The following RABEP1 variants were observed in gnomAD, a reference collection of about 807,000 sequenced individuals.
The protein encoded by RABEP1 is rabaptin, RAB GTPase binding effector protein 1, also known as rab GTPase-binding effector protein 1.
In RABEP1, 51 loss-of-function variants were observed where a neutral mutation model predicts 123.4. The ratio of observed to expected loss-of-function variants is 0.41; its 90% CI spans 0.33 to 0.52. The LOEUF is 0.52. Ranked by LOEUF, RABEP1 falls within the 20% of genes least tolerant of loss-of-function variation. The probability of loss-of-function intolerance (pLI) is 0.16; values close to 1 mark genes in which losing one functional copy is unlikely to be tolerated. For missense variants in RABEP1, 888 were observed against 996.3 expected, an observed-to-expected ratio of 0.89 and a Z score of 1.46; for synonymous variants, 347 against 355.2, an observed-to-expected ratio of 0.98 and a Z score of 0.26.
At chr17:5,324,472 T>C (rs1467491618) in intron 2 of RABEP1, among the ~76,000 whole-genome samples, 2 of 152,166 alleles carry the variant, frequency 1.3e-5, no homozygotes, top group African/African-American at 2.4e-5. Context: ...GACCTGAAAC[T>C]ATGAAGCCAC....
rs780979639 is a variant in RABEP1, at chr17:5,367,558, C to T, written c.1786-812C>T. On this transcript the variant is annotated intron_variant, in intron 11 of 17. Coordinates refer to ENST00000537505, the MANE Select transcript of RABEP1 (RefSeq NM_004703.6). ...TGCTAGGATTACAGGCGTGAGTCAC[C>T]GTGCCCAGCCAAGGGTAAAACTTTT... Among the ~76,000 whole-genome samples, 107 of 145,292 alleles carry T rather than the reference C, an allele frequency of 7.4e-4. 3 individuals carry two copies. In the Middle Eastern group the frequency reaches 0.01, roughly 14 times the overall value.
At chr17:5,341,663 G>A (rs1388889428) in intron 5 of RABEP1, among the ~76,000 whole-genome samples, 1 of 152,128 alleles carries the variant, frequency 6.6e-6, no homozygotes, top group Non-Finnish European at 1.5e-5. Flanking sequence ...AGTATGAGAA[G>A]AAATTATAGA....
At chr17:5,320,935 T>TAC (rs1224633184) in intron 2 of RABEP1, among the ~76,000 whole-genome samples, 4 of 152,202 alleles carry the variant, frequency 2.6e-5, no homozygotes, top group African/African-American at 9.7e-5. Flanking sequence ...ACACTGAATG[T>TAC]ATATGGACTC....
intron 5 of RABEP1, among the ~76,000 whole-genome samples, chr17:5,343,425 A>G (rs1907786236): frequency 6.6e-6 from 1 of 151,956 alleles, no homozygotes; most frequent in African/African-American, 2.4e-5. Context: ...GTGGTGGTGC[A>G]TACCTGTAGT....
At chr17:5,377,518 AAATTTTTTTTT>A (rs1256423887) in intron 14 of RABEP1, among the ~76,000 whole-genome samples, 2 of 125,832 alleles carry the variant, frequency 1.6e-5, no homozygotes, top group South Asian at 2.5e-4. Flanking sequence ...GTTATTTAAA[AAATTTTTTTTT>A]TTTTTTTTTT....
At position 5,375,934 on chromosome 17, in the gene RABEP1, G is replaced by A. The variant is rs902150165; in HGVS notation, c.2026-1182G>A. 7.2e-5 allele frequency among the ~76,000 whole-genome samples: 11 copies of A among 152,006 alleles called. No individual in the cohort carries two copies. In the East Asian group the frequency reaches 2.1e-3, roughly 29 times the overall value. ...GTCACCCAGGCTGGAGTGCAGTGGT[G>A]TAATCTCAGCTTATTGCAACCTCCG... On this transcript the variant is annotated intron_variant, in intron 13 of 17. Transcript: ENST00000537505.
At chr17:5,303,135 G>A (rs964170551) in intron 1 of RABEP1, among the ~76,000 whole-genome samples, 1 of 152,028 alleles carries the variant, frequency 6.6e-6, no homozygotes, top group African/African-American at 2.4e-5. Context: ...ACTGTGCTAT[G>A]TATAATGTAT....
At position 5,316,900 on chromosome 17, in the gene RABEP1, T is replaced by A. The variant is rs554993393; in HGVS notation, c.163+8078T>A. ...ATACAGAAATTGATAAATTTAAAAA[T>A]TTTTTTTTAATGTTTATCTTTTGAG... On this transcript the variant is annotated intron_variant, in intron 2 of 17. Coordinates refer to ENST00000537505, the MANE Select transcript of RABEP1 (RefSeq NM_004703.6). 1.6e-4 allele frequency among the ~76,000 whole-genome samples: 24 copies of A among 149,908 alleles called. No homozygotes were observed. In the East Asian group the frequency reaches 1.9e-3, roughly 12 times the overall value.
chr17:5,360,518 C>T (rs1368306841), intron 8 of RABEP1, among the ~76,000 whole-genome samples: 11 of 152,310 alleles, frequency 7.2e-5, no homozygotes, highest in African/African-American at 1.2e-4. Context: ...GCGGAGATCG[C>T]GCCACTGCAC....
chr17:5,324,503 A>G (rs1438770620), intron 2 of RABEP1, among the ~76,000 whole-genome samples: 3 of 152,220 alleles, frequency 2.0e-5, no homozygotes, highest in Admixed American at 6.5e-5. Flanking sequence ...CACTTGGGAA[A>G]CAGACATTGG....
At chr17:5,332,242 CAG>C (rs1429739618) in intron 3 of RABEP1, 90 bp downstream of exon 3, 3 of 1,255,784 alleles carry the variant, frequency 2.4e-6, no homozygotes, top group Middle Eastern at 2.5e-4. Flanking sequence ...AAAATATATA[CAG>C]AGTTTCATTT....
chr17:5,346,454 C>T (rs563358110), intron 5 of RABEP1, among the ~76,000 whole-genome samples: 1 of 152,220 alleles, frequency 6.6e-6, no homozygotes, highest in South Asian at 2.1e-4. Flanking sequence ...CAAAACATAC[C>T]TGGTGTTACT....
chr17:5,286,654 A>G (rs536631856), intron 1 of RABEP1, among the ~76,000 whole-genome samples: 8 of 152,318 alleles, frequency 5.3e-5, no homozygotes, highest in African/African-American at 1.9e-4. Context: ...AATCCTATAG[A>G]CACACACAAA....
At chr17:5,303,657 G>A (rs2075155407) in intron 1 of RABEP1, among the ~76,000 whole-genome samples, 1 of 152,168 alleles carries the variant, frequency 6.6e-6, no homozygotes. Context: ...ATTGAAATAG[G>A]TGTTTTCTTG....
At position 5,363,000 on chromosome 17, in the gene RABEP1, C is replaced by G; in HGVS notation, c.1652C>G (p.Ala551Gly). 6.8e-6 allele frequency: 11 copies of G among 1,612,160 alleles called. No homozygotes were observed. Among genetic ancestry groups the G allele is most frequent in the Non-Finnish European group, 9.3e-6 (11 of 1,178,242 alleles). ...KQLQGIQIQE[A>G]ETRDQVKKLQ... ...TTACAAGGAATTCAGATTCAGGAGG[C>G]TGAAACGAGAGACCAGGTGAGTTTC... The change falls in exon 10 of 18, where the codon GCT becomes GGT. Residue 551 changes from alanine (A) to glycine (G), a missense_variant. Ala to Gly is a moderately conservative substitution (Grantham distance 60). Coordinates refer to ENST00000537505, the MANE Select transcript of RABEP1 (RefSeq NM_004703.6).
intron 15 of RABEP1, 177 bp downstream of exon 15, chr17:5,378,409 C>T: frequency 1.5e-6 from 1 of 689,060 alleles, no homozygotes; most frequent in Non-Finnish European, 2.7e-6. Flanking sequence ...TTGAGAGTGC[C>T]CTGTGTGTCA....
intron 2 of RABEP1, among the ~76,000 whole-genome samples, chr17:5,309,489 A>G (rs1168599169): frequency 6.6e-6 from 1 of 152,040 alleles, no homozygotes; most frequent in Admixed American, 6.6e-5. Context: ...CCCTGTCTGT[A>G]CTAAAAATAC....
rs956874173 is a variant in RABEP1, at chr17:5,354,636, C to T, written c.1095+146C>T. On this transcript the variant is annotated intron_variant, in intron 8 of 17. Coordinates refer to ENST00000537505, the MANE Select transcript of RABEP1 (RefSeq NM_004703.6). Reference sequence around the variant, plus strand: ...AGTTAGATAAAAATGACAGTATTTTCAGTTGTTTTTATGGCATTATAGGTA... The same window carrying T: ...AGTTAGATAAAAATGACAGTATTTTTAGTTGTTTTTATGGCATTATAGGTA... The T allele has an allele frequency of 3.4e-5, 24 of 704,954 alleles. No individual in the cohort carries two copies. In the African/African-American group the frequency reaches 4.3e-4, roughly 12 times the overall value. The allele number at this position is 704,954 out of a possible 1,614,324, so 43.7% of individuals were successfully genotyped here. A position where few individuals can be genotyped will look rare whatever the true frequency, so the allele number is the denominator to read the frequency against.
intron 1 of RABEP1, among the ~76,000 whole-genome samples, chr17:5,294,711 G>A (rs924798798): frequency 7.2e-5 from 9 of 125,572 alleles, no homozygotes; most frequent in African/African-American, 1.2e-4. Flanking sequence ...GCAGTGGCGC[G>A]ATCTCGGCTC....
Sources: allele counts gnomAD v4.1 joint callset (sites outside exome capture counted in the v4.1 genomes callset), GRCh38; gene constraint gnomAD v4.1.1; transcripts MANE v1.5; gene names NCBI Gene and HGNC (gene_info 2026-07-23, HGNC 2026-07-21).